Variants in RAD17 observed in about 807,000 individuals in gnomAD.
RAD17 encodes cell cycle checkpoint protein RAD17.
A neutral mutation model predicts 81.5 loss-of-function variants in RAD17; 31 were observed. That is an observed-to-expected ratio of 0.38 (90% CI 0.29 to 0.51). The LOEUF (loss-of-function observed/expected upper bound fraction) is 0.51. Ranked by LOEUF, RAD17 falls within the 20% of genes least tolerant of loss-of-function variation. The probability of loss-of-function intolerance (pLI) is 0.88; values close to 1 mark genes in which losing one functional copy is unlikely to be tolerated. For missense variants in RAD17, 681 were observed against 781.2 expected, an observed-to-expected ratio of 0.87 and a Z score of 1.53; for synonymous variants, 261 against 266.2, an observed-to-expected ratio of 0.98 and a Z score of 0.19.
chr5:69,408,351 A>G (rs1214335779), intron 17 of RAD17, among the ~76,000 whole-genome samples: 1 of 152,050 alleles, frequency 6.6e-6, no homozygotes, highest in Non-Finnish European at 1.5e-5. Flanking sequence ...TGCAACATGA[A>G]GCCTTCCTCC....
At position 69,414,647 on chromosome 5, in the gene RAD17, T is replaced by G. The variant is rs1190336792; in HGVS notation, c.*355T>G. ...TGTAAATATCAACTATTCAACAGTT[T>G]AGGATGCAATTACGAGTGTAAACTG... is the stretch of plus-strand genomic sequence containing the variant. On this transcript the variant is annotated 3_prime_UTR_variant, in exon 19 of 19. Transcript: ENST00000354868. 3.3e-6 allele frequency: 1 copy of G among 307,150 alleles called. No individual in the cohort carries two copies. The highest frequency in any genetic ancestry group is 6.1e-6 in the Non-Finnish European group (1 of 164,684). 19.0% of individuals were successfully genotyped at this position (307,150 alleles called of 1,614,324 possible).
intron 14 of RAD17, 51 bp downstream of exon 14, chr5:69,393,291 T>A (rs765068936): frequency 3.2e-6 from 5 of 1,564,158 alleles, no homozygotes; most frequent in Non-Finnish European, 4.4e-6. Context: ...ATATTATTCG[T>A]GTGCATATAT....
chr5:69,392,495 C>G (rs1314376357), intron 13 of RAD17, among the ~76,000 whole-genome samples: 2 of 152,190 alleles, frequency 1.3e-5, no homozygotes, highest in Non-Finnish European at 2.9e-5. Context: ...TCAGTTCTTT[C>G]ACTCCCTATT....
intron 4 of RAD17, 120 bp from the exon 5 acceptor site, chr5:69,373,710 T>TAGTTTTAAAGG: frequency 2.0e-6 from 1 of 495,420 alleles, no homozygotes. Flanking sequence ...TTTTTTTTTT[T>TAGTTTTAAAGG]TTTTTTAAGT....
At chr5:69,395,111 C>G (rs76743362) in intron 15 of RAD17, among the ~76,000 whole-genome samples, 1,531 of 152,178 alleles carry the variant, frequency 0.01, 14 homozygotes, top group South Asian at 0.025. Context: ...ACAGAAAAAC[C>G]ATTTATGTTA....
chr5:69,400,892 C>A (rs1039951663), intron 17 of RAD17, among the ~76,000 whole-genome samples: 4 of 150,982 alleles, frequency 2.6e-5, no homozygotes, highest in African/African-American at 9.8e-5. Context: ...CAAGATCGCA[C>A]ACCTGCACTC....
In RAD17 at chr5:69,389,957, T is replaced by G. The variant is rs17230026; in HGVS notation, c.1006+812T>G. On this transcript the variant is annotated intron_variant, in intron 12 of 18. Coordinates refer to ENST00000354868, the MANE Select transcript of RAD17 (RefSeq NM_133338.3). ...GGCCTGAAATTATTTTTATAATAAT[T>G]TATGAGATATGTTTAATAAATTTAT... Among the ~76,000 whole-genome samples the G allele has an allele frequency of 2.4e-3, 369 of 152,324 alleles. 1 individual carries two copies. The highest frequency in any genetic ancestry group is 8.6e-3 in the African/African-American group (356 of 41,578).
At chr5:69,409,834 AT>A (rs1343798127) in intron 17 of RAD17, among the ~76,000 whole-genome samples, 1 of 151,846 alleles carries the variant, frequency 6.6e-6, no homozygotes, top group African/African-American at 2.4e-5. Context: ...TTAATTCCCC[AT>A]TTTCCCTTCC....
At chr5:69,377,130 G>T (rs1163069116) in intron 6 of RAD17, among the ~76,000 whole-genome samples, 2 of 152,092 alleles carry the variant, frequency 1.3e-5, no homozygotes, top group African/African-American at 4.8e-5. Context: ...CTAAGATCAT[G>T]AATTCAAGTT....
chr5:69,374,100 A>G lies in RAD17; in HGVS notation c.267+13A>G. The G allele has an allele frequency of 1.3e-6, 2 of 1,594,720 alleles. No individual in the cohort carries two copies. Among genetic ancestry groups the G allele is most frequent in the Non-Finnish European group, 1.7e-6 (2 of 1,169,832 alleles). On this transcript the variant is annotated intron_variant, in intron 5 of 18. Coordinates refer to ENST00000354868, the MANE Select transcript of RAD17 (RefSeq NM_133338.3). ...ACCAGAAACTCAGGTACTGAAAAGCATGCAGACATATCTACATAATTTAAT... is the reference window on the plus strand; with the variant it reads ...ACCAGAAACTCAGGTACTGAAAAGCGTGCAGACATATCTACATAATTTAAT...
intron 18 of RAD17, among the ~76,000 whole-genome samples, chr5:69,411,805 C>G (rs960420098): frequency 3.3e-5 from 5 of 152,164 alleles, no homozygotes; most frequent in Admixed American, 6.5e-5. Flanking sequence ...AAGATTATGG[C>G]ATCAAAATAA....
At chr5:69,392,107 G>T (rs2150832890) in intron 13 of RAD17, 94 bp downstream of exon 13, 1 of 1,141,410 alleles carries the variant, frequency 8.8e-7, no homozygotes, top group East Asian at 2.7e-5. Context: ...CATGTATTTT[G>T]GTTCTGCTCT....
intron 15 of RAD17, among the ~76,000 whole-genome samples, chr5:69,394,457 A>C (rs1342041912): frequency 6.6e-6 from 1 of 152,180 alleles, no homozygotes; most frequent in Non-Finnish European, 1.5e-5. Context: ...ATGTTGCTAC[A>C]CTTTCTGCTA....
upstream of RAD17, chr5:69,369,723 G>C (rs751599805): frequency 3.9e-5 from 60 of 1,549,968 alleles, no homozygotes; most frequent in East Asian, 1.5e-3. Flanking sequence ...CGGTACTTCG[G>C]GTCAGGCAGT....
chr5:69,371,912 G>T, intron 3 of RAD17, 122 bp from the exon 4 acceptor site: 1 of 446,870 alleles, frequency 2.2e-6, no homozygotes, highest in Admixed American at 4.2e-5. Flanking sequence ...GGGTTAAGGT[G>T]GGATGGGGGT....
chr5:69,410,418 CTT>C (rs1229041703), intron 17 of RAD17, 73 bp from the exon 18 acceptor site: 11 of 1,172,202 alleles, frequency 9.4e-6, no homozygotes, highest in Middle Eastern at 2.6e-4. Context: ...TGTTCAGCAT[CTT>C]TTCAGGTGCT....
chr5:69,371,255 A>G (rs974553090), intron 2 of RAD17, 84 bp downstream of exon 2: 2 of 571,132 alleles, frequency 3.5e-6, no homozygotes, highest in South Asian at 1.7e-5. Context: ...TAACACCACA[A>G]GTAGATTATT....
intron 5 of RAD17, 73 bp downstream of exon 5, chr5:69,374,160 G>T: frequency 7.8e-7 from 1 of 1,283,336 alleles, no homozygotes; most frequent in Non-Finnish European, 1.1e-6. Flanking sequence ...GAAGCAGAGG[G>T]ATTTACATTT....
chr5:69,385,329 T>C (rs17236296), intron 8 of RAD17, among the ~76,000 whole-genome samples: 3,149 of 145,638 alleles, frequency 0.022, 42 homozygotes, highest in Non-Finnish European at 0.03. Flanking sequence ...AGTGCAGTGG[T>C]GCAGTCTTGG....
Sources: gnomAD v4.1 joint callset for allele counts (sites outside exome capture counted in the v4.1 genomes callset) on GRCh38, gnomAD v4.1.1 for gene constraint, MANE v1.5 for transcripts, NCBI Gene and HGNC (gene_info 2026-07-23, HGNC 2026-07-21) for gene names.